The following PCLO variants were observed in gnomAD, a reference collection of about 807,000 sequenced individuals.
PCLO encodes piccolo presynaptic cytomatrix protein, also known as protein piccolo.
In PCLO, 82 loss-of-function variants were observed where a neutral mutation model predicts 427.5. That is an observed-to-expected ratio of 0.19 (90% CI 0.16 to 0.23). The LOEUF is 0.23. PCLO is among the 10% of genes least tolerant of loss of function. The pLI, the probability that PCLO is intolerant of heterozygous loss-of-function variation, is 1.00. For missense variants in PCLO, 6,239 were observed against 6,115.9 expected, an observed-to-expected ratio of 1.02 and a Z score of -0.67; for synonymous variants, 2,357 against 2,155.4, an observed-to-expected ratio of 1.09 and a Z score of -2.59.
Position 82,914,676 on chromosome 7 carries a change from C to A in PCLO, c.13300+10G>T. 6.2e-7 allele frequency: 1 copy of A among 1,612,044 alleles called. No homozygotes were observed. The highest frequency in any genetic ancestry group is 8.5e-7 in the Non-Finnish European group (1 of 1,178,976). ...TTGAGAGTAACAGGGTAGTTTGAGG[C>A]CCAATTTACCTTCACTGTCTGACAT... On this transcript the variant is annotated intron_variant, in intron 7 of 24. Transcript: ENST00000333891.
intron 16 of PCLO, among the ~76,000 whole-genome samples, chr7:82,835,188 C>T (rs1584027928): frequency 6.6e-6 from 1 of 152,086 alleles, no homozygotes; most frequent in South Asian, 2.1e-4. Context: ...TTGTGATCTG[C>T]CCACCTCGGC....
At position 82,954,218 on chromosome 7, in the gene PCLO, T is replaced by C; in HGVS notation, c.6735A>G (p.Val2245=). The C allele has an allele frequency of 6.2e-7, 1 of 1,613,730 alleles. No homozygotes were observed. Reference sequence around the variant, plus strand: ...CTGGTGGGGCAGTCCGATCTAAAGATACACTTATTTCTTCTGGATAGTCTA... The same window carrying C: ...CTGGTGGGGCAGTCCGATCTAAAGACACACTTATTTCTTCTGGATAGTCTA... The part of the protein sequence containing the change: ...SIIDYPEEIS[V]SLDRTAPPDG... Residue 2245 remains valine, a synonymous_variant, in exon 5 of 25, where the codon GTA becomes GTG. Coordinates refer to ENST00000333891, the MANE Select transcript of PCLO (RefSeq NM_033026.6).
intron 10 of PCLO, among the ~76,000 whole-genome samples, chr7:82,874,891 T>G (rs1382707776): frequency 6.6e-6 from 1 of 152,172 alleles, no homozygotes; most frequent in Non-Finnish European, 1.5e-5. Flanking sequence ...ACTCCAACAT[T>G]GCTGAACATC....
chr7:82,788,310 TTAA>T (rs1473720524), intron 22 of PCLO, among the ~76,000 whole-genome samples: 4 of 148,722 alleles, frequency 2.7e-5, no homozygotes, highest in African/African-American at 4.9e-5. Context: ...TGATTTAAAC[TTAA>T]TAATCTGATT....
At chr7:82,971,993 T>C (rs1795918527) in intron 3 of PCLO, among the ~76,000 whole-genome samples, 1 of 151,776 alleles carries the variant, frequency 6.6e-6, no homozygotes, top group Non-Finnish European at 1.5e-5. Flanking sequence ...TCATTAAATA[T>C]AAACAAACTC....
At chr7:82,817,164 C>G (rs1791693754) in intron 20 of PCLO, among the ~76,000 whole-genome samples, 2 of 152,218 alleles carry the variant, frequency 1.3e-5, no homozygotes, top group South Asian at 4.1e-4. Context: ...CAAATTGATT[C>G]TCTCAGATTT....
At chr7:82,996,552 C>A (rs189554660) in intron 3 of PCLO, among the ~76,000 whole-genome samples, 11 of 152,052 alleles carry the variant, frequency 7.2e-5, no homozygotes, top group African/African-American at 2.4e-4. Context: ...CTGTGTATGG[C>A]AAACTCCTAT....
intron 10 of PCLO, among the ~76,000 whole-genome samples, chr7:82,859,059 T>C (rs1584060082): frequency 6.6e-6 from 1 of 152,084 alleles, no homozygotes; most frequent in African/African-American, 2.4e-5. Context: ...TTGCGTTTGG[T>C]TGTTTGAGGG....
chr7:83,092,207 C>A (rs1250995078), intron 3 of PCLO, among the ~76,000 whole-genome samples: 1 of 152,140 alleles, frequency 6.6e-6, no homozygotes, highest in East Asian at 1.9e-4. Flanking sequence ...CCCTGCAGAA[C>A]CCTCCTGAAT....
intron 3 of PCLO, among the ~76,000 whole-genome samples, chr7:82,968,889 G>T (rs1292486787): frequency 6.6e-6 from 1 of 152,070 alleles, no homozygotes; most frequent in Non-Finnish European, 1.5e-5. Flanking sequence ...TTGCCACATG[G>T]ATTCTAAAAA....
chr7:82,856,599 T>C (rs892352914), intron 10 of PCLO, among the ~76,000 whole-genome samples: 2 of 152,146 alleles, frequency 1.3e-5, no homozygotes, highest in Admixed American at 6.6e-5. Flanking sequence ...TAGAAAATAA[T>C]GTTACATGGG....
chr7:82,997,927 A>G (rs1787669949), intron 3 of PCLO, among the ~76,000 whole-genome samples: 1 of 151,998 alleles, frequency 6.6e-6, no homozygotes. Context: ...TCTCCATGTA[A>G]GGAGCGTGGA....
intron 3 of PCLO, among the ~76,000 whole-genome samples, chr7:83,132,500 C>G (rs538521427): frequency 1.3e-5 from 2 of 152,228 alleles, no homozygotes; most frequent in East Asian, 3.9e-4. Context: ...TGCCAACACA[C>G]AGAAAATCAA....
intron 15 of PCLO, 85 bp downstream of exon 15, chr7:82,838,133 A>T: frequency 1.1e-6 from 1 of 908,018 alleles, no homozygotes; most frequent in Non-Finnish European, 1.7e-6. Flanking sequence ...AAAGTCAATT[A>T]AAATGAGGTG....
intron 7 of PCLO, among the ~76,000 whole-genome samples, chr7:82,912,621 A>T (rs144163882): frequency 5.5e-4 from 84 of 152,170 alleles, no homozygotes; most frequent in African/African-American, 1.9e-3. Context: ...TCATCTTTAC[A>T]CACTTCATAA....
chr7:83,002,619 CA>C (rs1787851609), intron 3 of PCLO, among the ~76,000 whole-genome samples: 1 of 151,716 alleles, frequency 6.6e-6, no homozygotes, highest in African/African-American at 2.4e-5. Context: ...TTAAAATACT[CA>C]GAATTGTTAA....
At chr7:82,940,814 G>A (rs1339994678) in intron 6 of PCLO, among the ~76,000 whole-genome samples, 2 of 140,404 alleles carry the variant, frequency 1.4e-5, no homozygotes, top group African/African-American at 2.7e-5. Context: ...CCAGGCTGGA[G>A]TGCAGTGGTG....
chr7:82,912,844 T>C (rs1411453037), intron 7 of PCLO, among the ~76,000 whole-genome samples: 1 of 152,094 alleles, frequency 6.6e-6, no homozygotes, highest in African/African-American at 2.4e-5. Context: ...AAAATATCTA[T>C]GATGATAAAT....
intron 3 of PCLO, among the ~76,000 whole-genome samples, chr7:83,079,444 A>G (rs915718700): frequency 4.0e-5 from 6 of 149,874 alleles, no homozygotes; most frequent in African/African-American, 1.5e-4. Context: ...ATTGAGGGGG[A>G]GGAGAAGGAA....
Sources: gnomAD v4.1 joint callset for allele counts (sites outside exome capture counted in the v4.1 genomes callset) on GRCh38, gnomAD v4.1.1 for gene constraint, MANE v1.5 for transcripts, NCBI Gene and HGNC (gene_info 2026-07-23, HGNC 2026-07-21) for gene names.